VWA3A: variants seen among roughly 807,000 people sequenced by gnomAD.
The protein encoded by VWA3A is von Willebrand factor A domain containing 3A.
A neutral mutation model predicts 160.4 loss-of-function variants in VWA3A; 134 were observed. The ratio of observed to expected loss-of-function variants is 0.84; its 90% confidence interval spans 0.73 to 0.96. The LOEUF (loss-of-function observed/expected upper bound fraction) is 0.96. Among genes scored for constraint, VWA3A ranks in the 40% least tolerant of loss-of-function variants. The probability of loss-of-function intolerance (pLI) is 0.00; values close to 1 mark genes in which losing one functional copy is unlikely to be tolerated. For missense variants in VWA3A, 1,310 were observed against 1,447.9 expected, an observed-to-expected ratio of 0.90 and a Z score of 1.55; for synonymous variants, 476 against 543.4, an observed-to-expected ratio of 0.88 and a Z score of 1.72.
chr16:22,140,493 A>G (rs2046126770), intron 23 of VWA3A, among the ~76,000 whole-genome samples: 1 of 152,062 alleles, frequency 6.6e-6, no homozygotes, highest in African/African-American at 2.4e-5. Context: ...AAGTCCCCCA[A>G]GTACTCAGAG....
chr16:22,127,800 G>A (rs954393064), intron 17 of VWA3A, among the ~76,000 whole-genome samples: 1 of 152,204 alleles, frequency 6.6e-6, no homozygotes, highest in Admixed American at 6.5e-5. Flanking sequence ...TGGCCTAACA[G>A]TGGGAGACAG....
chr16:22,116,540 G>C (rs1286546814), intron 9 of VWA3A, among the ~76,000 whole-genome samples: 1 of 152,166 alleles, frequency 6.6e-6, no homozygotes, highest in Admixed American at 6.5e-5. Context: ...ACACACACGA[G>C]GGAAGGACTA....
chr16:22,141,825 G>T, intron 24 of VWA3A, 133 bp downstream of exon 24: 1 of 674,366 alleles, frequency 1.5e-6, no homozygotes. Flanking sequence ...GGAGCAAGCC[G>T]TACTCAACTC....
At chr16:22,115,862 G>A (rs1053200655) in intron 9 of VWA3A, among the ~76,000 whole-genome samples, 13 of 8,726 alleles carry the variant, frequency 1.5e-3, no homozygotes, top group Non-Finnish European at 2.0e-3. Flanking sequence ...AGGAAGGAAG[G>A]AAGGAAGGAA....
At chr16:22,139,371 G>A (rs2046102447) in intron 22 of VWA3A, among the ~76,000 whole-genome samples, 1 of 152,170 alleles carries the variant, frequency 6.6e-6, no homozygotes, top group Non-Finnish European at 1.5e-5. Flanking sequence ...CTCCAGTCGT[G>A]GCTGAGAATG....
chr16:22,149,425 G>T (rs375874899), intron 28 of VWA3A, among the ~76,000 whole-genome samples: 2 of 152,008 alleles, frequency 1.3e-5, no homozygotes, highest in Non-Finnish European at 2.9e-5. Flanking sequence ...AATCTTTTTC[G>T]TAGAGATGGG....
chr16:22,149,981 C>T (rs1264102725), intron 29 of VWA3A, 50 bp downstream of exon 29: 3 of 1,548,746 alleles, frequency 1.9e-6, no homozygotes, highest in Non-Finnish European at 2.6e-6. Context: ...ATACCATCAT[C>T]CCCTATGCTG....
chr16:22,134,416 A>T lies in VWA3A; in HGVS notation c.2117A>T (p.Lys706Met). The T allele has an allele frequency of 6.3e-7, 1 of 1,596,334 alleles. No individual in the cohort carries two copies. The highest frequency in any genetic ancestry group is 1.1e-5 in the South Asian group (1 of 87,668). The change falls in exon 21 of 34, where the codon AAG becomes ATG. Residue 706 changes from lysine to methionine, a missense_variant. Physicochemically the swap from Lys to Met is moderately conservative, Grantham distance 95 (BLOSUM62 -1). Coordinates refer to ENST00000389398, the MANE Select transcript of VWA3A (RefSeq NM_173615.5). The stretch of plus-strand genomic sequence containing the variant: ...AACTCCATCATGTCTGAGATGGAAA[A>T]GGCTCTCAACTACTCCCAAAAGGTA... ...DINSIMSEME[K>M]ALNYSQKCAF...
At chr16:22,093,416 C>T (rs1175113119) in intron 1 of VWA3A, among the ~76,000 whole-genome samples, 1 of 151,996 alleles carries the variant, frequency 6.6e-6, no homozygotes, top group Non-Finnish European at 1.5e-5. Flanking sequence ...AGTTAAGGTA[C>T]TCACAGAAGA....
rs1240013141 is a variant in VWA3A at position 22,097,666 on chromosome 16, A to G, written c.196A>G (p.Thr66Ala). ...GQNSDNGLLV[T>A]HVNQTQDLLR... is the part of the protein sequence containing the mutation. ...AAATTCGGACAATGGATTATTGGTT[A>G]CACATGTTAACCAGACACAGGACTT... The change falls in exon 3 of 34, where the codon ACA becomes GCA. Residue 66 changes from threonine (T) to alanine (A), a missense_variant. Coordinates refer to ENST00000389398, the MANE Select transcript of VWA3A (RefSeq NM_173615.5). 6.4e-7 allele frequency: 1 copy of G among 1,551,742 alleles called. No individual in the cohort carries two copies.
intron 23 of VWA3A, among the ~76,000 whole-genome samples, chr16:22,140,445 C>T (rs2046125691): frequency 6.6e-6 from 1 of 151,938 alleles, no homozygotes; most frequent in African/African-American, 2.4e-5. Flanking sequence ...CCATCTCTAC[C>T]AAACAAAAAA....
At chr16:22,136,895 G>GCA (rs113954328) in intron 21 of VWA3A, among the ~76,000 whole-genome samples, 38,153 of 142,446 alleles carry the variant, frequency 0.27, 8,317 homozygotes, top group African/African-American at 0.62. Flanking sequence ...ACACACACAC[G>GCA]CACACACACA....
intron 8 of VWA3A, among the ~76,000 whole-genome samples, chr16:22,114,974 T>A (rs1193965144): frequency 6.6e-6 from 1 of 151,902 alleles, no homozygotes; most frequent in Non-Finnish European, 1.5e-5. Flanking sequence ...CCTGGCTAAT[T>A]TTTTTGTATT....
rs1218768491 is a variant in VWA3A, at chr16:22,141,623, A to G, written c.2425A>G (p.Arg809Gly). 6.2e-7 allele frequency: 1 copy of G among 1,612,698 alleles called. No homozygotes were observed. The highest frequency in any genetic ancestry group is 1.7e-5 in the Admixed American group (1 of 59,804). ...GAAAGAAGGGATGATGGAACTGAGGAGGAAGACCAAGTCAAGGGAAGCAGA... is the reference window on the plus strand; with the variant it reads ...GAAAGAAGGGATGATGGAACTGAGGGGGAAGACCAAGTCAAGGGAAGCAGA... ...PTKEGMMELR[R>G]KTKSREAETS... Residue 809 changes from arginine (R) to glycine (G), a missense_variant, in exon 24 of 34, where the codon AGG (arginine) becomes GGG (glycine). Physicochemically the swap from Arg to Gly is moderately radical, Grantham distance 125. Coordinates refer to ENST00000389398, the MANE Select transcript of VWA3A (RefSeq NM_173615.5).
At chr16:22,150,572 C>A in intron 29 of VWA3A, 123 bp from the exon 30 acceptor site, 2 of 1,154,992 alleles carry the variant, frequency 1.7e-6, no homozygotes, top group Non-Finnish European at 2.4e-6. Context: ...TTGAACAGGT[C>A]AGTGGCATCC....
Position 22,118,996 on chromosome 16 carries a change from C to A in VWA3A, c.1085C>A (p.Pro362His), listed in dbSNP as rs758592025. Residue 362 changes from proline to histidine, a missense_variant, in exon 12 of 34, where the codon CCC becomes CAC. Transcript: ENST00000389398. ...SHVQALQHSSPCEALTCTMEE... is the reference protein window; with the variant it reads ...SHVQALQHSSHCEALTCTMEE... ...GTGCAAGCCCTGCAGCACAGCAGCC[C>A]CTGTGAGGCGCTCACCTGCACCATG... 1.2e-6 allele frequency: 2 copies of A among 1,613,478 alleles called. No homozygotes were observed. The highest frequency in any genetic ancestry group is 4.5e-5 in the East Asian group (2 of 44,852).
intron 23 of VWA3A, 91 bp downstream of exon 23, chr16:22,140,335 TGGAA>T (rs2046123928): frequency 1.6e-6 from 2 of 1,226,038 alleles, no homozygotes; most frequent in South Asian, 2.6e-5. Flanking sequence ...GAGCCACGTG[TGGAA>T]GCTCGTGCCT....
At position 22,152,207 on chromosome 16, in the gene VWA3A, T is replaced by C. The variant is rs776778984; in HGVS notation, c.3282-304T>C. Among the ~76,000 whole-genome samples, 89 of 152,102 alleles carry C rather than the reference T, an allele frequency of 5.9e-4. 2 individuals are homozygous for C. Among genetic ancestry groups the C allele is most frequent in the Non-Finnish European group, 1.5e-4 (10 of 68,012 alleles). On this transcript the variant is annotated intron_variant, in intron 30 of 33. Transcript: ENST00000389398. ...GCCTGGGTGACAGACTGAGACTCTG[T>C]CTCAGAAAAGAAAAGAAATGGGGGC...
At position 22,097,032 on chromosome 16, in the gene VWA3A, C is replaced by G. The variant is rs1331731176; in HGVS notation, c.101+87C>G. On this transcript the variant is annotated intron_variant, in intron 2 of 33. Transcript: ENST00000389398. ...CCAGGCTGGAGTGCAGTGGCACAAT[C>G]TAGGCTCACTGCAAGCTCTGCCCTC... 4 of 819,220 alleles carry G rather than the reference C, an allele frequency of 4.9e-6. No individual in the cohort carries two copies. The African/African-American group carries it at 5.4e-5, about 11-fold the overall frequency. 50.7% of individuals were successfully genotyped at this position (819,220 alleles called of 1,614,324 possible).
Sources: gnomAD v4.1 joint callset for allele counts (sites outside exome capture counted in the v4.1 genomes callset) on GRCh38, gnomAD v4.1.1 for gene constraint, MANE v1.5 for transcripts, NCBI Gene and HGNC (gene_info 2026-07-23, HGNC 2026-07-21) for gene names.